MACROD2: variants seen among roughly 807,000 people sequenced by gnomAD.
MACROD2 encodes mono-ADP ribosylhydrolase 2.
A neutral mutation model predicts 70.4 loss-of-function variants in MACROD2; 36 were observed. That is an observed-to-expected ratio of 0.51 (90% CI 0.39 to 0.68). The LOEUF is 0.68. Among genes scored for constraint, MACROD2 ranks in the 30% least tolerant of loss-of-function variants. The pLI, the probability that MACROD2 is intolerant of heterozygous loss-of-function variation, is 0.00. For missense variants in MACROD2, 496 were observed against 538.4 expected (o/e 0.92, Z 0.78); for synonymous variants, 172 against 178.8 (o/e 0.96, Z 0.30).
intron 3 of MACROD2, among the ~76,000 whole-genome samples, chr20:14,125,368 T>C (rs2148695203): frequency 6.6e-6 from 1 of 152,332 alleles, no homozygotes; most frequent in Non-Finnish European, 1.5e-5. Flanking sequence ...TTCTAAAATC[T>C]TGACAGCCAC....
intron 5 of MACROD2, among the ~76,000 whole-genome samples, chr20:15,039,883 G>T (rs183632409): frequency 1.4e-3 from 216 of 152,238 alleles, no homozygotes; most frequent in African/African-American, 4.9e-3. Context: ...CCTAGTTGTT[G>T]TAAAGTTTTG....
chr20:15,233,526 ATGTGT>A (rs2076977607), intron 6 of MACROD2, among the ~76,000 whole-genome samples: 2 of 152,262 alleles, frequency 1.3e-5, no homozygotes, highest in Middle Eastern at 6.8e-3. Flanking sequence ...TGGGCGTAAG[ATGTGT>A]TGTGGATAAA....
chr20:14,399,419 G>A (rs910394577), intron 3 of MACROD2, among the ~76,000 whole-genome samples: 2 of 151,992 alleles, frequency 1.3e-5, no homozygotes, highest in Non-Finnish European at 2.9e-5. Context: ...TTTTTGGCTT[G>A]CATTTTTCAT....
intron 8 of MACROD2, among the ~76,000 whole-genome samples, chr20:15,770,982 C>T (rs2051614831): frequency 6.6e-6 from 1 of 152,060 alleles, no homozygotes; most frequent in Admixed American, 6.5e-5. Flanking sequence ...GTGTTCTGTC[C>T]ACGGGTAGGA....
At chr20:14,436,517 A>T (rs1173834559) in intron 3 of MACROD2, among the ~76,000 whole-genome samples, 1 of 152,110 alleles carries the variant, frequency 6.6e-6, no homozygotes, top group Admixed American at 6.6e-5. Context: ...CACCTTAACC[A>T]TCACCCTGTA....
chr20:14,245,180 A>C (rs2081958992), intron 3 of MACROD2, among the ~76,000 whole-genome samples: 2 of 151,902 alleles, frequency 1.3e-5, no homozygotes, highest in African/African-American at 2.4e-5. Context: ...CTGGCTAACA[A>C]GGTGAAACCC....
chr20:15,042,053 C>A (rs1280651360), intron 5 of MACROD2, among the ~76,000 whole-genome samples: 1 of 152,062 alleles, frequency 6.6e-6, no homozygotes, highest in Non-Finnish European at 1.5e-5. Flanking sequence ...AAGTTTGGAG[C>A]CCCAAGTCAT....
chr20:15,339,287 C>G (rs1325290670), intron 6 of MACROD2, among the ~76,000 whole-genome samples: 1 of 151,784 alleles, frequency 6.6e-6, no homozygotes, highest in Non-Finnish European at 1.5e-5. Context: ...TTCTGATGTT[C>G]AGTTTATGTT....
At chr20:15,171,695 G>C (rs1215396909) in intron 5 of MACROD2, among the ~76,000 whole-genome samples, 1 of 152,040 alleles carries the variant, frequency 6.6e-6, no homozygotes, top group Non-Finnish European at 1.5e-5. Context: ...TCTCCAAAGA[G>C]ACTTTCTTTG....
At chr20:15,929,991 C>T (rs2065549933) in intron 10 of MACROD2, among the ~76,000 whole-genome samples, 1 of 152,184 alleles carries the variant, frequency 6.6e-6, no homozygotes, top group Admixed American at 6.5e-5. Flanking sequence ...TGTTATATCA[C>T]ACTCGACATG....
At chr20:15,592,607 A>G (rs2048694036) in intron 8 of MACROD2, among the ~76,000 whole-genome samples, 1 of 152,218 alleles carries the variant, frequency 6.6e-6, no homozygotes, top group African/African-American at 2.4e-5. Context: ...GCTCTCAGTA[A>G]TGACTTCTAC....
chr20:15,824,206 A>G (rs1448242945), intron 8 of MACROD2, among the ~76,000 whole-genome samples: 1 of 151,838 alleles, frequency 6.6e-6, no homozygotes, highest in African/African-American at 2.4e-5. Context: ...TGGTGATTTC[A>G]TTGAGCCCAC....
chr20:15,373,093 T>A (rs1402406919), intron 6 of MACROD2, among the ~76,000 whole-genome samples: 1 of 152,122 alleles, frequency 6.6e-6, no homozygotes, highest in Non-Finnish European at 1.5e-5. Context: ...TATAAAATTA[T>A]CCTGTCAATC....
At chr20:14,228,821 C>T (rs569856397) in intron 3 of MACROD2, among the ~76,000 whole-genome samples, 140 of 140,992 alleles carry the variant, frequency 9.9e-4, no homozygotes, top group Admixed American at 4.0e-3. Context: ...GCCTGGGCAA[C>T]ATGGCGAAAC....
At chr20:15,782,890 C>G (rs2051859214) in intron 8 of MACROD2, among the ~76,000 whole-genome samples, 1 of 151,930 alleles carries the variant, frequency 6.6e-6, no homozygotes, top group South Asian at 2.1e-4. Context: ...CAGAGTCTTT[C>G]CTATCTTGTA....
At chr20:14,954,737 T>TA (rs368844113) in intron 5 of MACROD2, among the ~76,000 whole-genome samples, 81,891 of 104,474 alleles carry the variant, frequency 0.78, 32,032 homozygotes, top group Non-Finnish European at 0.86. Context: ...AATATATAAA[T>TA]TATAAATTAT....
At chr20:14,109,009 G>A (rs1481912443) in intron 3 of MACROD2, among the ~76,000 whole-genome samples, 1 of 152,014 alleles carries the variant, frequency 6.6e-6, no homozygotes, top group Non-Finnish European at 1.5e-5. Flanking sequence ...TAGATCATGT[G>A]TTAGGTCACA....
At chr20:15,811,008 A>G (rs1369917036) in intron 8 of MACROD2, among the ~76,000 whole-genome samples, 3 of 149,948 alleles carry the variant, frequency 2.0e-5, no homozygotes, top group African/African-American at 7.4e-5. Flanking sequence ...AGGCATTACC[A>G]TTCAGGACAT....
chr20:15,210,552 G>GTTTTTTTTTTTTTTTTTTTGGTTTTTTTT, intron 5 of MACROD2, among the ~76,000 whole-genome samples: 1 of 121,652 alleles, frequency 8.2e-6, no homozygotes, highest in Non-Finnish European at 1.7e-5. Context: ...CTTTTCTTCT[G>GTTTTTTTTTTTTTTTTTTTGGTTTTTTTT]TTTTTTTTTT....
Sources: allele counts gnomAD v4.1 joint callset (sites outside exome capture counted in the v4.1 genomes callset), GRCh38; gene constraint gnomAD v4.1.1; transcripts MANE v1.5; gene names NCBI Gene and HGNC (gene_info 2026-07-23, HGNC 2026-07-21).